The following NRP1 variants were observed in gnomAD, a reference collection of about 807,000 sequenced individuals.
NRP1 encodes neuropilin 1.
In NRP1, 35 loss-of-function variants were observed where a neutral mutation model predicts 106.7. The ratio of observed to expected loss-of-function variants is 0.33; its 90% CI spans 0.25 to 0.43. The LOEUF (loss-of-function observed/expected upper bound fraction) is 0.43. Ranked by LOEUF, NRP1 falls within the 20% of genes least tolerant of loss-of-function variation. The pLI is 1.00. For missense variants in NRP1, 1,024 were observed against 1,170.4 expected, an observed-to-expected ratio of 0.87 and a Z score of 1.83; for synonymous variants, 437 against 417.9, an observed-to-expected ratio of 1.05 and a Z score of -0.56.
chr10:33,187,451 G>T (rs958613831), intron 13 of NRP1, among the ~76,000 whole-genome samples: 4 of 152,112 alleles, frequency 2.6e-5, no homozygotes, highest in South Asian at 2.1e-4. Flanking sequence ...CTGAGAGCTT[G>T]AATCTCTACT....
chr10:33,252,653 C>G (rs1471632944), intron 6 of NRP1, among the ~76,000 whole-genome samples: 1 of 152,054 alleles, frequency 6.6e-6, no homozygotes, highest in Non-Finnish European at 1.5e-5. Flanking sequence ...AAGCTTCCCC[C>G]GAGAGGCACA....
chr10:33,326,609 C>G (rs958288639), intron 2 of NRP1, among the ~76,000 whole-genome samples: 1 of 152,120 alleles, frequency 6.6e-6, no homozygotes, highest in Non-Finnish European at 1.5e-5. Flanking sequence ...GTCTGTTGAT[C>G]GACTGATTTA....
intron 6 of NRP1, among the ~76,000 whole-genome samples, chr10:33,228,251 A>T (rs1036152947): frequency 2.6e-5 from 4 of 152,188 alleles, no homozygotes; most frequent in African/African-American, 4.8e-5. Flanking sequence ...ACATGCCTGT[A>T]ATCCCAACTA....
At chr10:33,233,304 G>A (rs770831020) in intron 6 of NRP1, among the ~76,000 whole-genome samples, 1 of 152,062 alleles carries the variant, frequency 6.6e-6, no homozygotes, top group South Asian at 2.1e-4. Context: ...CTTACTCTTT[G>A]TTGTAAGATA....
intron 2 of NRP1, among the ~76,000 whole-genome samples, chr10:33,319,453 A>T (rs1847296526): frequency 6.6e-6 from 1 of 152,066 alleles, no homozygotes; most frequent in African/African-American, 2.4e-5. Flanking sequence ...AGGGAATAAA[A>T]ACTGGCCCCC....
chr10:33,278,808 C>G, intron 2 of NRP1, among the ~76,000 whole-genome samples: 1 of 152,056 alleles, frequency 6.6e-6, no homozygotes, highest in Middle Eastern at 3.2e-3. Context: ...AAAATGTAAC[C>G]TTTAAGCTTT....
At chr10:33,272,632 A>G (rs17296436) in intron 2 of NRP1, among the ~76,000 whole-genome samples, 27,078 of 152,130 alleles carry the variant, frequency 0.18, 2,860 homozygotes, top group Non-Finnish European at 0.23. Flanking sequence ...CCATCTCTGT[A>G]TTCATTAAAG....
chr10:33,333,891 C>T (rs1193830509), intron 1 of NRP1, among the ~76,000 whole-genome samples: 1 of 152,118 alleles, frequency 6.6e-6, no homozygotes, highest in Non-Finnish European at 1.5e-5. Context: ...CCAGAGGAAA[C>T]GGCTTAGGGG....
intron 12 of NRP1, among the ~76,000 whole-genome samples, chr10:33,193,491 G>A (rs1836558786): frequency 1.3e-5 from 2 of 152,168 alleles, no homozygotes; most frequent in South Asian, 4.1e-4. Context: ...GTGACGAAGG[G>A]CCTTTAGGCT....
chr10:33,295,263 T>G (rs1478714155), intron 2 of NRP1, among the ~76,000 whole-genome samples: 1 of 152,178 alleles, frequency 6.6e-6, no homozygotes, highest in Non-Finnish European at 1.5e-5. Context: ...AGCCATCACT[T>G]GGGAACACAG....
At chr10:33,314,887 C>T (rs751740683) in intron 2 of NRP1, among the ~76,000 whole-genome samples, 1 of 152,208 alleles carries the variant, frequency 6.6e-6, no homozygotes, top group Admixed American at 6.5e-5. Flanking sequence ...TCTGCCTCTT[C>T]CCTGGCAAGC....
At chr10:33,286,213 C>T (rs921798043) in intron 2 of NRP1, among the ~76,000 whole-genome samples, 3 of 152,260 alleles carry the variant, frequency 2.0e-5, no homozygotes, top group South Asian at 2.1e-4. Context: ...AGCAAAGAAA[C>T]GGCTTCTCTA....
At chr10:33,324,222 A>G (rs982511427) in intron 2 of NRP1, among the ~76,000 whole-genome samples, 3 of 152,220 alleles carry the variant, frequency 2.0e-5, no homozygotes, top group Non-Finnish European at 4.4e-5. Context: ...GGAAGAAAGC[A>G]GATAATTATC....
chr10:33,334,320 A>C lies in NRP1; in HGVS notation c.63T>G (p.Ala21=). The change falls in exon 1 of 17, where the codon GCT becomes GCG. Residue 21 remains alanine (A), a synonymous_variant. Transcript: ENST00000374867. ...CTGCCTGTCACTTACCGTTGCGAAA[A>C]GCGCCGGCCGGGGCGAGGACGAGGG... The part of the protein sequence containing the change: ...VLALVLAPAG[A]FRNDKCGDTI... 6.5e-7 allele frequency: 1 copy of C among 1,542,888 alleles called. No homozygotes were observed. The highest frequency in any genetic ancestry group is 8.7e-7 in the Non-Finnish European group (1 of 1,146,396).
chr10:33,328,148 A>G (rs1848023671), intron 2 of NRP1, among the ~76,000 whole-genome samples: 2 of 152,126 alleles, frequency 1.3e-5, no homozygotes, highest in South Asian at 4.2e-4. Context: ...CTTTGCTGAT[A>G]TCACTAAAAC....
intron 1 of NRP1, 65 bp downstream of exon 1, chr10:33,334,245 C>T (rs1204375147): frequency 2.8e-6 from 4 of 1,453,160 alleles, no homozygotes; most frequent in East Asian, 5.0e-5. Context: ...GCCTGAGCCC[C>T]GGTCCGGGGC....
At chr10:33,298,631 T>C (rs1022080240) in intron 2 of NRP1, among the ~76,000 whole-genome samples, 3 of 152,140 alleles carry the variant, frequency 2.0e-5, no homozygotes, top group African/African-American at 7.2e-5. Context: ...TGGCTGCATG[T>C]TGGTTTTGGC....
chr10:33,192,071 A>G (rs1227853508), intron 13 of NRP1, among the ~76,000 whole-genome samples: 2 of 152,016 alleles, frequency 1.3e-5, no homozygotes, highest in Non-Finnish European at 2.9e-5. Context: ...TCAGTGGCCA[A>G]CTTCAAGGGG....
intron 13 of NRP1, among the ~76,000 whole-genome samples, chr10:33,190,557 A>T (rs2132620603): frequency 6.6e-6 from 1 of 152,308 alleles, no homozygotes; most frequent in East Asian, 1.9e-4. Flanking sequence ...AGTGAACCAC[A>T]AAATGGGAAA....
Sources: gnomAD v4.1 joint callset for allele counts (sites outside exome capture counted in the v4.1 genomes callset) on GRCh38, gnomAD v4.1.1 for gene constraint, MANE v1.5 for transcripts, NCBI Gene and HGNC (gene_info 2026-07-23, HGNC 2026-07-21) for gene names.